The following ARHGEF7 variants were observed in gnomAD, a reference collection of about 807,000 sequenced individuals.
ARHGEF7 encodes the protein Rho guanine nucleotide exchange factor 7, also known as PAK-interacting exchange factor beta.
A neutral mutation model predicts 109.8 loss-of-function variants in ARHGEF7; 33 were observed. The observed-to-expected ratio is 0.30, with a 90% CI of 0.23 to 0.40. The LOEUF is 0.40. Among genes scored for constraint, ARHGEF7 ranks in the 10% least tolerant of loss-of-function variants. ARHGEF7 has a pLI of 1.00. For missense variants in ARHGEF7, 938 were observed against 1,098.5 expected (o/e 0.85, Z 2.07); for synonymous variants, 458 against 424.6 (o/e 1.08, Z -0.97).
intron 9 of ARHGEF7, among the ~76,000 whole-genome samples, chr13:111,269,182 A>T (rs1432166905): frequency 6.6e-6 from 1 of 152,232 alleles, no homozygotes; most frequent in African/African-American, 2.4e-5. Flanking sequence ...CAGCGTCTCC[A>T]AGCGTCCAGC....
intron 2 of ARHGEF7, among the ~76,000 whole-genome samples, 160 bp downstream of exon 2, chr13:111,154,151 G>T (rs1390983316): frequency 6.6e-6 from 1 of 152,196 alleles, no homozygotes; most frequent in African/African-American, 2.4e-5. Context: ...GGGCGTTGCG[G>T]GTTTGGGTAA....
At chr13:111,232,872 C>T (rs72653532) in intron 5 of ARHGEF7, among the ~76,000 whole-genome samples, 3,627 of 152,202 alleles carry the variant, frequency 0.024, 73 homozygotes, top group Middle Eastern at 0.11. Context: ...ATTTGGGTGA[C>T]GCTTTATATT....
chr13:111,153,496 G>A (rs184533273), intron 1 of ARHGEF7, among the ~76,000 whole-genome samples: 1 of 152,218 alleles, frequency 6.6e-6, no homozygotes, highest in Admixed American at 6.5e-5. Context: ...CCAACCGGTG[G>A]GCTCCCTCTA....
chr13:111,208,272 T>C (rs2082114934), intron 3 of ARHGEF7, among the ~76,000 whole-genome samples: 1 of 152,182 alleles, frequency 6.6e-6, no homozygotes, highest in Non-Finnish European at 1.5e-5. Context: ...ACTCCCAGCC[T>C]CAGGTGATCC....
chr13:111,247,763 A>C (rs1399956776), intron 8 of ARHGEF7, among the ~76,000 whole-genome samples: 1 of 151,792 alleles, frequency 6.6e-6, no homozygotes, highest in Non-Finnish European at 1.5e-5. Flanking sequence ...TTTTTCATTC[A>C]CCCATTGTTA....
chr13:111,209,065 C>G (rs574563798), intron 3 of ARHGEF7, among the ~76,000 whole-genome samples: 1 of 152,162 alleles, frequency 6.6e-6, no homozygotes, highest in Non-Finnish European at 1.5e-5. Context: ...ATCCAAACAC[C>G]TGGGAGGAAG....
At position 111,283,187 on chromosome 13, in the gene ARHGEF7, C is replaced by G. The variant is rs1443609836; in HGVS notation, c.1774C>G (p.Pro592Ala). ...GTCCAGCAAGCACGCAGACAGCAAG[C>G]CCGCGCCGCTGACGCCCGCCTACCA... Reference protein sequence around the residue: ...TPSSKHADSKPAPLTPAYHTL... With the variant: ...TPSSKHADSKAAPLTPAYHTL... Residue 592 changes from proline (P) to alanine (A), a missense_variant, in exon 16 of 22, where the codon CCC becomes GCC. By Grantham distance (27) the Pro-to-Ala change is conservative. Around this residue, in one of 4 missense-constraint regions of ARHGEF7, gnomAD observed 585 missense variants for 723.6 expected, o/e 0.81. Coordinates refer to ENST00000646102, the MANE Select transcript of ARHGEF7 (RefSeq NM_001354046.2). 2.5e-6 allele frequency: 4 copies of G among 1,597,450 alleles called. No homozygotes were observed. Among genetic ancestry groups the G allele is most frequent in the Non-Finnish European group, 3.4e-6 (4 of 1,173,166 alleles).
At chr13:111,162,589 A>G (rs2076828860) in intron 2 of ARHGEF7, among the ~76,000 whole-genome samples, 1 of 152,220 alleles carries the variant, frequency 6.6e-6, no homozygotes, top group Non-Finnish European at 1.5e-5. Flanking sequence ...TCAGGTGGGC[A>G]GTCCAGCATC....
At chr13:111,298,396 T>A (rs1186328902) in intron 19 of ARHGEF7, among the ~76,000 whole-genome samples, 1 of 152,146 alleles carries the variant, frequency 6.6e-6, no homozygotes, top group South Asian at 2.1e-4. Flanking sequence ...AGCAGTATCT[T>A]CCCGTGTGGC....
chr13:111,121,379 A>G (rs1288476591), intron 1 of ARHGEF7, among the ~76,000 whole-genome samples: 1 of 149,938 alleles, frequency 6.7e-6, no homozygotes, highest in Non-Finnish European at 1.5e-5. Context: ...TTAGTCCAAG[A>G]TTTCAAACTG....
intron 6 of ARHGEF7, among the ~76,000 whole-genome samples, chr13:111,235,335 A>G (rs1350364420): frequency 1.3e-5 from 2 of 152,196 alleles, no homozygotes; most frequent in Non-Finnish European, 2.9e-5. Flanking sequence ...TTTGCATTAT[A>G]TATTCTGTAA....
intron 2 of ARHGEF7, among the ~76,000 whole-genome samples, chr13:111,197,224 C>T (rs1051195498): frequency 3.3e-5 from 5 of 151,652 alleles, no homozygotes; most frequent in African/African-American, 4.9e-5. Flanking sequence ...TAGTTGTGCT[C>T]GCCGACGCAG....
rs1197512546 is a variant in ARHGEF7, at chr13:111,303,117, A to G, written c.*4A>G. 1.9e-6 allele frequency: 3 copies of G among 1,598,926 alleles called. No homozygotes were observed. The East Asian group carries it at 6.8e-5, about 36-fold the overall frequency. Reference sequence around the variant, plus strand: ...CTGGGATGAGACCAATCTATAAGGGATGTCCTCAGTTCTTTCTGTTGAAGA... The same window carrying G: ...CTGGGATGAGACCAATCTATAAGGGGTGTCCTCAGTTCTTTCTGTTGAAGA... On this transcript the variant is annotated 3_prime_UTR_variant, in exon 22 of 22. Coordinates refer to ENST00000646102, the MANE Select transcript of ARHGEF7 (RefSeq NM_001354046.2).
At chr13:111,196,208 T>C (rs1343940377) in intron 2 of ARHGEF7, among the ~76,000 whole-genome samples, 1 of 152,172 alleles carries the variant, frequency 6.6e-6, no homozygotes, top group Non-Finnish European at 1.5e-5. Flanking sequence ...TCCTTAGTCC[T>C]TCTAGAACAC....
In ARHGEF7 at chr13:111,131,234, G is replaced by A. The variant is rs1235750805; in HGVS notation, c.165+15543G>A. Among the ~76,000 whole-genome samples, 2 of 152,102 alleles carry A rather than the reference G, an allele frequency of 1.3e-5. No homozygotes were observed. The highest frequency in any genetic ancestry group is 2.9e-5 in the Non-Finnish European group (2 of 68,014). ...GTGGAGGCAGTGCTGACAAGGAGAT[G>A]GGGATGGCACCAAGGGAGCCCAGGA... On this transcript the variant is annotated intron_variant, in intron 1 of 21. Coordinates refer to ENST00000646102, the MANE Select transcript of ARHGEF7 (RefSeq NM_001354046.2). The surrounding 1 kb of genome is among the most constrained non-coding windows in gnomAD (Gnocchi z 4.4).
intron 12 of ARHGEF7, 21 bp downstream of exon 12, chr13:111,275,699 G>A (rs746788740): frequency 7.3e-5 from 118 of 1,613,700 alleles, no homozygotes; most frequent in Admixed American, 3.2e-4. Flanking sequence ...CCACATGCAC[G>A]CACCAGGGTT....
intron 2 of ARHGEF7, among the ~76,000 whole-genome samples, chr13:111,198,325 C>T (rs2080802223): frequency 6.6e-6 from 1 of 152,120 alleles, no homozygotes; most frequent in Non-Finnish European, 1.5e-5. Context: ...ATCTGGGTCG[C>T]CAAAATGTGT....
chr13:111,297,418 A>T (rs1046809639), intron 19 of ARHGEF7, among the ~76,000 whole-genome samples: 1 of 152,234 alleles, frequency 6.6e-6, no homozygotes. Context: ...CGCATGCTTT[A>T]AGTGTAGCTG....
rs1180342609 is a variant in ARHGEF7 at position 111,258,498 on chromosome 13, T to G, written c.951-9050T>G. ...TACCTTGGACCAAAAGGGAACCCACTGCTTGGAAGGGAAGCACCCAGTTCC... is the reference window on the plus strand; with the variant it reads ...TACCTTGGACCAAAAGGGAACCCACGGCTTGGAAGGGAAGCACCCAGTTCC... On this transcript the variant is annotated intron_variant, in intron 8 of 21. Transcript: ENST00000646102. This position sits in a 1 kb window ranked among gnomAD's most constrained non-coding sequence, Gnocchi z 4.4. 6.6e-6 allele frequency among the ~76,000 whole-genome samples: 1 copy of G among 152,232 alleles called. No homozygotes were observed.
Sources: gnomAD v4.1 joint callset for allele counts (sites outside exome capture counted in the v4.1 genomes callset) on GRCh38, gnomAD v4.1.1 for gene constraint, gnomAD v4.1.1 regional missense constraint, Gnocchi (gnomAD v3.1) non-coding constraint, MANE v1.5 for transcripts, NCBI Gene and HGNC (gene_info 2026-07-23, HGNC 2026-07-21) for gene names.